The following PRAMEF14 variants were observed in gnomAD, a reference collection of about 807,000 sequenced individuals.
PRAMEF14 encodes the protein PRAME family member 14.
PRAMEF14 carries 24 observed loss-of-function variants against 38.3 expected under a neutral mutation model. The observed-to-expected ratio is 0.63, with a 90% CI of 0.45 to 0.88. PRAMEF14 has a LOEUF of 0.88. Ranked by LOEUF, PRAMEF14 falls within the 40% of genes least tolerant of loss-of-function variation. The pLI is 0.00. For synonymous variants in PRAMEF14, 194 were observed against 226.4 expected, an observed-to-expected ratio of 0.86 and a Z score of 1.29; for missense variants, 477 against 570.8, an observed-to-expected ratio of 0.84 and a Z score of 1.67.
intron 3 of PRAMEF14, 73 bp from the exon 4 acceptor site, chr1:13,343,159 T>A: frequency 8.4e-7 from 1 of 1,187,730 alleles, no homozygotes; most frequent in Non-Finnish European, 1.2e-6. Flanking sequence ...TCTAGGAAAA[T>A]GCCTGCGTCA....
chr1:13,345,934 G>C (rs1467645741), intron 1 of PRAMEF14, among the ~76,000 whole-genome samples: 2 of 151,246 alleles, frequency 1.3e-5, no homozygotes, highest in African/African-American at 4.8e-5. Context: ...GGGTGACAGA[G>C]TTGGACTCCG....
Position 13,342,642 on chromosome 1 carries a change from C to A in PRAMEF14, c.1311G>T (p.Leu437=). ...GCCTGACTTCCCTCAGTGTACACAT[C>A]AGCTCAGCCCGAAGTAGGGCGAAGA... is the stretch of plus-strand genomic sequence containing the variant. ...WEIFALLRAE[L]MCTLREVRQP... is the part of the protein sequence containing the mutation. The change falls in exon 4 of 4, where the codon CTG becomes CTT. Residue 437 remains leucine (L), a synonymous_variant. Transcript: ENST00000334600. 6.2e-7 allele frequency: 1 copy of A among 1,605,094 alleles called. No individual in the cohort carries two copies. Among genetic ancestry groups the A allele is most frequent in the Non-Finnish European group, 8.5e-7 (1 of 1,178,034 alleles).
In PRAMEF14 at chr1:13,342,642, C is replaced by G. The variant is rs889708946; in HGVS notation, c.1311G>C (p.Leu437=). 1.2e-6 allele frequency: 2 copies of G among 1,605,094 alleles called. No individual in the cohort carries two copies. Among genetic ancestry groups the G allele is most frequent in the African/African-American group, 1.3e-5 (1 of 74,696 alleles). Reference sequence around the variant, plus strand: ...GCCTGACTTCCCTCAGTGTACACATCAGCTCAGCCCGAAGTAGGGCGAAGA... The same window carrying G: ...GCCTGACTTCCCTCAGTGTACACATGAGCTCAGCCCGAAGTAGGGCGAAGA... ...WEIFALLRAE[L]MCTLREVRQP... The change falls in exon 4 of 4, where the codon CTG becomes CTC. Residue 437 remains leucine (L), a synonymous_variant. Coordinates refer to ENST00000334600, the MANE Select transcript of PRAMEF14 (RefSeq NM_001024661.2).
Position 13,344,065 on chromosome 1 carries a change from A to G in PRAMEF14, c.839T>C (p.Phe280Ser). 2 of 1,608,798 alleles carry G rather than the reference A, an allele frequency of 1.2e-6. No individual in the cohort carries two copies. Among genetic ancestry groups the G allele is most frequent in the Admixed American group, 3.3e-5 (2 of 59,850 alleles). The change falls in exon 3 of 4, where the codon TTC (phenylalanine) becomes TCC (serine). Residue 280 changes from phenylalanine (F) to serine (S), a missense_variant. Coordinates refer to ENST00000334600, the MANE Select transcript of PRAMEF14 (RefSeq NM_001024661.2). ...QLLKIKLITF[F>S]SGHLEQLIRC... ...GATCAGCTGTTCCAGGTGCCCACTG[A>G]AGAAGGTGATCAATTTTATTTTAAG...
Position 13,345,035 on chromosome 1 carries a change from G to T in PRAMEF14, c.280C>A (p.Arg94Ser). The T allele has an allele frequency of 1.3e-6, 2 of 1,553,006 alleles. No individual in the cohort carries two copies. Among genetic ancestry groups the T allele is most frequent in the African/African-American group, 2.7e-5 (2 of 73,598 alleles). ...CCTCCTGGGTCACCTCACCTGGGGC[G>T]ATCCTTCTGTGTAAGCAGCATATGA... ...GLHMLLTQKD[R>S]PRRWKLQVLD... Residue 94 changes from arginine to serine, a missense_variant, in exon 2 of 4, where the codon CGC becomes AGC. By Grantham distance (110) the Arg-to-Ser change is moderately radical. Coordinates refer to ENST00000334600, the MANE Select transcript of PRAMEF14 (RefSeq NM_001024661.2).
intron 1 of PRAMEF14, among the ~76,000 whole-genome samples, chr1:13,346,017 C>T (rs1569817250): frequency 6.6e-6 from 1 of 150,730 alleles, no homozygotes; most frequent in Non-Finnish European, 1.5e-5. Flanking sequence ...TGACTGTAAT[C>T]CTAGCTACTC....
At position 13,344,145 on chromosome 1, in the gene PRAMEF14, T is replaced by C. The variant is rs2100352252; in HGVS notation, c.759A>G (p.Gly253=). ...HHSMSDNELE[G]RLVTKFSSVF... ...CAGAGCTGAATTTGGTGACTAACCGTCCTTCGAGTTCATTATCTGACATGG... is the reference window on the plus strand; with the variant it reads ...CAGAGCTGAATTTGGTGACTAACCGCCCTTCGAGTTCATTATCTGACATGG... Residue 253 remains glycine (G), a synonymous_variant, in exon 3 of 4, where the codon GGA becomes GGG. Transcript: ENST00000334600. 1.2e-6 allele frequency: 2 copies of C among 1,606,176 alleles called. No individual in the cohort carries two copies. The highest frequency in any genetic ancestry group is 1.7e-5 in the Admixed American group (1 of 59,832).
At chr1:13,345,679 C>T (rs1272701225) in intron 1 of PRAMEF14, among the ~76,000 whole-genome samples, 124 of 151,244 alleles carry the variant, frequency 8.2e-4, no homozygotes, top group African/African-American at 2.9e-3. Flanking sequence ...TCCCTAAAAT[C>T]GATGCCATTA....
intron 1 of PRAMEF14, among the ~76,000 whole-genome samples, chr1:13,346,647 A>G (rs1369473419): frequency 6.7e-6 from 1 of 148,594 alleles, no homozygotes; most frequent in Non-Finnish European, 1.5e-5. Context: ...CCATGATCTG[A>G]GCAAAACTGC....
Position 13,345,256 on chromosome 1 carries a change from TCTCTCAGCAGG to T in PRAMEF14, c.48_58del (p.Ser16ArgfsTer90). 1 of 1,607,214 alleles carries T rather than the reference TCTCTCAGCAGG, an allele frequency of 6.2e-7. No homozygotes were observed. Among genetic ancestry groups the T allele is most frequent in the Non-Finnish European group, 8.5e-7 (1 of 1,178,596 alleles). ...CATGGCAGAGATGGACAAGGCCTGG[TCTCTCAGCAGG>T]CTCTGCCCTGCCAGCTCCAGGAGTC... On this transcript the variant is annotated frameshift_variant, in exon 2 of 4. Transcript: ENST00000334600. LOFTEE classifies it high-confidence loss of function.
chr1:13,346,400 C>G (rs1247016673), intron 1 of PRAMEF14, among the ~76,000 whole-genome samples: 1 of 150,404 alleles, frequency 6.6e-6, no homozygotes, highest in Non-Finnish European at 1.5e-5. Context: ...CCAAGCTACT[C>G]AGGAGGCTGA....
chr1:13,346,287 C>G (rs1640404134), intron 1 of PRAMEF14, among the ~76,000 whole-genome samples: 1 of 151,596 alleles, frequency 6.6e-6, no homozygotes, highest in African/African-American at 2.4e-5. Context: ...GTGGGCAGAT[C>G]TCCTGAGGTC....
chr1:13,344,540 G>A lies in PRAMEF14; in HGVS notation c.364C>T (p.Leu122=). 1 of 1,606,736 alleles carries A rather than the reference G, an allele frequency of 6.2e-7. No individual in the cohort carries two copies. The highest frequency in any genetic ancestry group is 1.1e-5 in the South Asian group (1 of 90,638). ...CTCATGGTCTCTGGGAAGCAGGACA[G>A]GGCCCAGGCTCCAGGCCATCTGGCC... is the stretch of plus-strand genomic sequence containing the variant. ...FWARWPGAWA[L]SCFPETMSKR... is the part of the protein sequence containing the mutation. Residue 122 remains leucine (L), a synonymous_variant, in exon 3 of 4, where the codon CTG becomes TTG. Coordinates refer to ENST00000334600, the MANE Select transcript of PRAMEF14 (RefSeq NM_001024661.2).
chr1:13,344,276 G>T lies in PRAMEF14; in HGVS notation c.628C>A (p.Leu210Met). The T allele has an allele frequency of 6.2e-7, 1 of 1,606,046 alleles. No homozygotes were observed. Among genetic ancestry groups the T allele is most frequent in the East Asian group, 2.4e-5 (1 of 41,748 alleles). ...GGCCAGGACATGTTGCGAATTTCCA[G>T]CTGTTGAATACTATTCAGGTATATT... ...KIIYLNSIQQ[L>M]EIRNMSWPRL... Residue 210 changes from leucine to methionine, a missense_variant, in exon 3 of 4, where the codon CTG becomes ATG. Around this residue, in one of 4 missense-constraint regions of PRAMEF14, gnomAD observed 234 missense variants for 247.4 expected, o/e 0.95. Transcript: ENST00000334600.
chr1:13,344,995 G>A, intron 2 of PRAMEF14, 33 bp downstream of exon 2: 1 of 1,373,522 alleles, frequency 7.3e-7, no homozygotes, highest in South Asian at 1.3e-5. Flanking sequence ...GGACACCTGA[G>A]CCCTATCTAC....
intron 1 of PRAMEF14, among the ~76,000 whole-genome samples, chr1:13,345,758 C>T (rs1258162156): frequency 2.7e-5 from 4 of 146,598 alleles, no homozygotes; most frequent in Non-Finnish European, 6.2e-5. Context: ...AATCCCAACA[C>T]TGCTGGACAC....
rs75542004 is a variant in PRAMEF14 at position 13,344,201 on chromosome 1, G to C, written c.703C>G (p.Arg235Gly). 4.8e-5 allele frequency: 78 copies of C among 1,608,570 alleles called. 3 individuals are homozygous for C. Among genetic ancestry groups the C allele is most frequent in the East Asian group, 2.4e-5 (1 of 42,332 alleles). The change falls in exon 3 of 4, where the codon CGC (arginine) becomes GGC (glycine). Residue 235 changes from arginine (R) to glycine (G), a missense_variant. Around this residue, in one of 4 missense-constraint regions of PRAMEF14, gnomAD observed 234 missense variants for 247.4 expected, o/e 0.95. Coordinates refer to ENST00000334600, the MANE Select transcript of PRAMEF14 (RefSeq NM_001024661.2). ...TGGCACCTGGAGAAAACGAGTTTGC[G>C]AAGATTCTTCATCTCCTTCAGGTAA... ...RCYLKEMKNL[R>G]KLVFSRCHHS... is the part of the protein sequence containing the mutation.
At chr1:13,345,431 C>T in intron 1 of PRAMEF14, 92 bp from the exon 2 acceptor site, 1 of 1,394,190 alleles carries the variant, frequency 7.2e-7, no homozygotes, top group Non-Finnish European at 9.7e-7. Context: ...TTCCAAACAC[C>T]AAGGAGGGAG....
In PRAMEF14 at chr1:13,345,295, G is replaced by T; in HGVS notation, c.20C>A (p.Pro7His). 5 of 1,607,060 alleles carry T rather than the reference G, an allele frequency of 3.1e-6. No individual in the cohort carries two copies. The South Asian group carries it at 4.4e-5, about 14-fold the overall frequency. ...CTGCCCTGCCAGCTCCAGGAGTCTG[G>T]GTGGGGCCTGGATGCTCATCCTGAT... The part of the protein sequence containing the change: MSIQAP[P>H]RLLELAGQSL... Residue 7 changes from proline to histidine, a missense_variant, in exon 2 of 4, where the codon CCC becomes CAC. Pro to His is a moderately conservative substitution (Grantham distance 77). Transcript: ENST00000334600.
Sources: allele counts gnomAD v4.1 joint callset (sites outside exome capture counted in the v4.1 genomes callset), GRCh38; gene constraint gnomAD v4.1.1; regional missense constraint gnomAD v4.1.1; transcripts MANE v1.5; gene names NCBI Gene and HGNC (gene_info 2026-07-23, HGNC 2026-07-21).